The following MUC5AC variants were observed in gnomAD, a reference collection of about 807,000 sequenced individuals.
MUC5AC encodes mucin 5AC, oligomeric mucus/gel-forming, also known as mucin-5AC.
Under a neutral mutation model 169.7 loss-of-function variants are expected in MUC5AC, and 158 were observed. That is an observed-to-expected ratio of 0.93 (90% CI 0.82 to 1.06). MUC5AC has a LOEUF of 1.06. Among genes scored for constraint, MUC5AC ranks in the 50% least tolerant of loss-of-function variants. The pLI is 0.00. For synonymous variants in MUC5AC, 1,975 were observed against 1,237.0 expected, an observed-to-expected ratio of 1.60 and a Z score of -12.52; for missense variants, 4,359 against 3,089.9, an observed-to-expected ratio of 1.41 and a Z score of -9.74.
rs1203522484 is a variant in MUC5AC, at chr11:1,188,244, A to T, written c.10099A>T (p.Thr3367Ser). 4.3e-6 allele frequency: 3 copies of T among 697,722 alleles called. No homozygotes were observed. In the East Asian group the frequency reaches 8.0e-5, roughly 19 times the overall value. The allele number at this position is 697,722 out of a possible 1,614,324, so 43.2% of individuals were successfully genotyped here. The part of the protein sequence containing the change: ...RTTTLVTTST[T>S]STPQTSTTSA... ...AACCACTTTGGTGACAACCAGCACAACCTCCACTCCACAGACCAGCACAAC... is the reference window on the plus strand; with the variant it reads ...AACCACTTTGGTGACAACCAGCACATCCTCCACTCCACAGACCAGCACAAC... The change falls in exon 31 of 49, where the codon ACC (threonine) becomes TCC (serine). Residue 3367 changes from threonine (T) to serine (S), a missense_variant. Coordinates refer to ENST00000621226, the MANE Select transcript of MUC5AC (RefSeq NM_001304359.2).
intron 43 of MUC5AC, 35 bp downstream of exon 43, chr11:1,198,340 A>C (rs762111112): frequency 1.4e-6 from 1 of 730,690 alleles, no homozygotes; most frequent in South Asian, 1.4e-5. Context: ...CCTCAGCCAT[A>C]GGGACGGAGC....
chr11:1,174,839 G>A lies in MUC5AC; in HGVS notation c.2093-43G>A, dbSNP rs1049701983. 3.5e-4 allele frequency: 149 copies of A among 427,686 alleles called. 1 individual carries two copies. Among genetic ancestry groups the A allele is most frequent in the African/African-American group, 2.8e-3 (138 of 49,030 alleles). The allele number at this position is 427,686 out of a possible 1,614,324, so 26.5% of individuals were successfully genotyped here. ...CACTCACTGCTGGCTGCCCACTGCCGGGCTGTGTGTCCTGAGAATCCCCTC... is the reference window on the plus strand; with the variant it reads ...CACTCACTGCTGGCTGCCCACTGCCAGGCTGTGTGTCCTGAGAATCCCCTC... On this transcript the variant is annotated intron_variant, in intron 17 of 48. Transcript: ENST00000621226.
rs1056073504 is a variant in MUC5AC, at chr11:1,180,473, C to A, written c.3733C>A (p.Arg1245=). 2.5e-6 allele frequency: 1 copy of A among 398,938 alleles called. No homozygotes were observed. The highest frequency in any genetic ancestry group is 4.4e-6 in the Non-Finnish European group (1 of 226,248). 24.7% of individuals were successfully genotyped at this position (398,938 alleles called of 1,614,324 possible). The part of the protein sequence containing the change: ...PRCHVHGKSY[R]PGAVVPSDKN... Reference sequence around the variant, plus strand: ...GTGCCACGTCCATGGGAAGTCCTACCGGCCAGGTGCAGTGGTGCCCTCGGA... The same window carrying A: ...GTGCCACGTCCATGGGAAGTCCTACAGGCCAGGTGCAGTGGTGCCCTCGGA... The change falls in exon 28 of 49, where the codon CGG becomes AGG. Residue 1245 remains arginine, a synonymous_variant. Coordinates refer to ENST00000621226, the MANE Select transcript of MUC5AC (RefSeq NM_001304359.2).
intron 1 of MUC5AC, among the ~76,000 whole-genome samples, chr11:1,159,391 C>G (rs1371756005): frequency 7.0e-6 from 1 of 142,180 alleles, no homozygotes; most frequent in Non-Finnish European, 1.5e-5. Context: ...GGGCTGGGGT[C>G]CAGTCCCACG....
chr11:1,164,227 T>C lies in MUC5AC; in HGVS notation c.911T>C (p.Leu304Pro). The C allele has an allele frequency of 6.2e-7, 1 of 1,612,638 alleles. No individual in the cohort carries two copies. The highest frequency in any genetic ancestry group is 8.5e-7 in the Non-Finnish European group (1 of 1,179,870). Residue 304 changes from leucine to proline, a missense_variant, in exon 8 of 49, where the codon CTC becomes CCC. Physicochemically the swap from Leu to Pro is moderately conservative, Grantham distance 98. Coordinates refer to ENST00000621226, the MANE Select transcript of MUC5AC (RefSeq NM_001304359.2). ...TGCTTCTGTGAAGACACCGACCTGC[T>C]CAGCTGCGTCTGCCACACCCTTGCC... is the stretch of plus-strand genomic sequence containing the variant. ...DLCFCEDTDLLSCVCHTLAEY... is the reference protein window; with the variant it reads ...DLCFCEDTDLPSCVCHTLAEY...
At position 1,198,071 on chromosome 11, in the gene MUC5AC, G is replaced by T. The variant is rs1469880562; in HGVS notation, c.16135+67G>T. 4 of 641,722 alleles carry T rather than the reference G, an allele frequency of 6.2e-6. No individual in the cohort carries two copies. In the Admixed American group the frequency reaches 6.8e-5, roughly 11 times the overall value. The allele number at this position is 641,722 out of a possible 1,614,324, so 39.8% of individuals were successfully genotyped here. A position where few individuals can be genotyped will look rare whatever the true frequency, so the allele number is the denominator to read the frequency against. On this transcript the variant is annotated intron_variant, in intron 42 of 48. Coordinates refer to ENST00000621226, the MANE Select transcript of MUC5AC (RefSeq NM_001304359.2). ...GGGTCTCCACCTGGGATTTTGGGGG[G>T]CCATAACCAGATGCCAGTGCGGCTT...
chr11:1,200,394 C>G (rs2133781190), intron 48 of MUC5AC, 44 bp from the exon 49 acceptor site: 1 of 645,896 alleles, frequency 1.5e-6, no homozygotes, highest in Middle Eastern at 3.6e-4. Context: ...CGGCAGGAGG[C>G]TGGGGTGGCG....
In MUC5AC at chr11:1,192,428, A is replaced by G. The variant is rs761046646; in HGVS notation, c.14283A>G (p.Ala4761=). 1.3e-6 allele frequency: 1 copy of G among 765,088 alleles called. No homozygotes were observed. Among genetic ancestry groups the G allele is most frequent in the East Asian group, 2.4e-5 (1 of 41,246 alleles). The allele number at this position is 765,088 out of a possible 1,614,324, so 47.4% of individuals were successfully genotyped here. Residue 4761 remains alanine, a synonymous_variant, in exon 31 of 49, where the codon GCA becomes GCG. Transcript: ENST00000621226. The part of the protein sequence containing the change: ...LSTSMVSASV[A]STSVASSSVA... ...CTTCCATGGTATCCGCCTCCGTGGC[A>G]TCCACCTCTGTGGCATCCAGCTCTG...
rs1157294164 is a variant in MUC5AC at position 1,186,130 on chromosome 11, C to T, written c.7985C>T (p.Pro2662Leu). The T allele has an allele frequency of 2.1e-5, 16 of 746,222 alleles. No homozygotes were observed. The highest frequency in any genetic ancestry group is 3.9e-5 in the Non-Finnish European group (16 of 407,774). 46.2% of individuals were successfully genotyped at this position (746,222 alleles called of 1,614,324 possible). Reference sequence around the variant, plus strand: ...TCTGGTCCTGGAACTACTCCCAGCCCTGTTCCTACCACCAGCACAATCTCT... The same window carrying T: ...TCTGGTCCTGGAACTACTCCCAGCCTTGTTCCTACCACCAGCACAATCTCT... ...TTSGPGTTPS[P>L]VPTTSTISVP... is the part of the protein sequence containing the mutation. Residue 2662 changes from proline (P) to leucine (L), a missense_variant, in exon 31 of 49, where the codon CCT (proline) becomes CTT (leucine). By Grantham distance (98) the Pro-to-Leu change is moderately conservative. Transcript: ENST00000621226.
In MUC5AC at chr11:1,179,196, G is replaced by T; in HGVS notation, c.3432G>T (p.Gln1144His). The change falls in exon 26 of 49, where the codon CAG becomes CAT. Residue 1144 changes from glutamine (Q) to histidine (H), a missense_variant. Gln to His is a conservative substitution (Grantham distance 24). Coordinates refer to ENST00000621226, the MANE Select transcript of MUC5AC (RefSeq NM_001304359.2). The stretch of plus-strand genomic sequence containing the variant: ...GCACGGCTGTGGCCGCCTACGCCCA[G>T]GCCTGCCATGAAGTAGGCCTGTGTG... ...CFCTAVAAYA[Q>H]ACHEVGLCVS... The T allele has an allele frequency of 1.5e-6, 1 of 679,670 alleles. No individual in the cohort carries two copies. The highest frequency in any genetic ancestry group is 2.7e-6 in the Non-Finnish European group (1 of 373,322). 42.1% of individuals were successfully genotyped at this position (679,670 alleles called of 1,614,324 possible).
rs1320780643 is a variant in MUC5AC at position 1,174,532 on chromosome 11, G to A, written c.2002G>A (p.Glu668Lys). The change falls in exon 17 of 49, where the codon GAG becomes AAG. Residue 668 changes from glutamate (E) to lysine (K), a missense_variant. Transcript: ENST00000621226. ...MFDTCNCERSEDCLCAALSSY... is the reference protein window; with the variant it reads ...MFDTCNCERSKDCLCAALSSY... ...TGACACCTGCAACTGTGAGCGGAGC[G>A]AGGACTGCCTGTGCGCCGCGCTGTC... 5.8e-6 allele frequency: 9 copies of A among 1,564,836 alleles called. No individual in the cohort carries two copies. Among genetic ancestry groups the A allele is most frequent in the Middle Eastern group, 1.7e-4 (1 of 6,032 alleles).
rs1860809038 is a variant in MUC5AC, at chr11:1,181,267, A to G, written c.3821-4A>G. 5.0e-6 allele frequency: 2 copies of G among 398,256 alleles called. No individual in the cohort carries two copies. Among genetic ancestry groups the G allele is most frequent in the Non-Finnish European group, 8.9e-6 (2 of 225,976 alleles). The allele number at this position is 398,256 out of a possible 1,614,324, so 24.7% of individuals were successfully genotyped here. ...TGACGGGCCTGGGCCCTCCGTCCCC[A>G]TAGCCTGTGTCTGCACCTACAATGG... is the stretch of plus-strand genomic sequence containing the variant. On this transcript the variant is annotated splice_region_variant and splice_polypyrimidine_tract_variant and intron_variant, in intron 29 of 48. Coordinates refer to ENST00000621226, the MANE Select transcript of MUC5AC (RefSeq NM_001304359.2).
chr11:1,198,035 G>A (rs1454899607), intron 42 of MUC5AC, 31 bp downstream of exon 42: 3 of 646,044 alleles, frequency 4.6e-6, no homozygotes, highest in South Asian at 3.4e-5. Flanking sequence ...CCTGTCAGGG[G>A]CCGTGGGCTG....
chr11:1,158,047 C>T lies in MUC5AC; in HGVS notation c.48C>T (p.Leu16=), dbSNP rs770063541. 8.1e-5 allele frequency: 131 copies of T among 1,608,124 alleles called. No homozygotes were observed. Among genetic ancestry groups the T allele is most frequent in the Non-Finnish European group, 9.9e-5 (117 of 1,178,424 alleles). Residue 16 remains leucine (L), a synonymous_variant, in exon 1 of 49, where the codon CTC becomes CTT. Coordinates refer to ENST00000621226, the MANE Select transcript of MUC5AC (RefSeq NM_001304359.2). ...TGGCCCTGCTCTGGGCCCTGGCTCTCGCTCTGGCCTGCACCCGGCATACAG... is the reference window on the plus strand; with the variant it reads ...TGGCCCTGCTCTGGGCCCTGGCTCTTGCTCTGGCCTGCACCCGGCATACAG... ...RKLALLWALA[L]ALACTRHTGH... is the part of the protein sequence containing the mutation.
At position 1,198,844 on chromosome 11, in the gene MUC5AC, A is replaced by G. The variant is rs1264375295; in HGVS notation, c.16174-30A>G. ...GCGGGTCTCCCCAGGGCCCAAGCTC[A>G]TGAGTGTCTGCTGCCCTGGCTCTCC... On this transcript the variant is annotated intron_variant, in intron 43 of 48. Coordinates refer to ENST00000621226, the MANE Select transcript of MUC5AC (RefSeq NM_001304359.2). 2.3e-5 allele frequency: 16 copies of G among 710,492 alleles called. No individual in the cohort carries two copies. The East Asian group carries it at 4.2e-4, about 19-fold the overall frequency. The allele number at this position is 710,492 out of a possible 1,614,324, so 44.0% of individuals were successfully genotyped here.
In MUC5AC at chr11:1,189,067, C is replaced by A; in HGVS notation, c.10922C>A (p.Ala3641Asp). ...VTAPSTPSGRATSPTQSTSSW... is the reference protein window; with the variant it reads ...VTAPSTPSGRDTSPTQSTSSW... ...GCTCCTAGCACCCCTAGTGGGAGAGCCACCAGCCCAACTCAGAGCACCTCC... is the reference window on the plus strand; with the variant it reads ...GCTCCTAGCACCCCTAGTGGGAGAGACACCAGCCCAACTCAGAGCACCTCC... Residue 3641 changes from alanine (A) to aspartate (D), a missense_variant, in exon 31 of 49, where the codon GCC becomes GAC. By Grantham distance (126) the Ala-to-Asp change is moderately radical. Transcript: ENST00000621226. 1.6e-6 allele frequency: 1 copy of A among 633,996 alleles called. No individual in the cohort carries two copies. Among genetic ancestry groups the A allele is most frequent in the Non-Finnish European group, 2.8e-6 (1 of 353,434 alleles). 39.3% of individuals were successfully genotyped at this position (633,996 alleles called of 1,614,324 possible). A position where few individuals can be genotyped will look rare whatever the true frequency, so the allele number is the denominator to read the frequency against.
intron 1 of MUC5AC, 65 bp from the exon 2 acceptor site, chr11:1,160,547 T>C (rs956407900): frequency 2.4e-5 from 33 of 1,398,828 alleles, no homozygotes; most frequent in Non-Finnish European, 3.3e-5. Context: ...GCTGCATCTG[T>C]GGCCGCAGCC....
rs1312626776 is a variant in MUC5AC, at chr11:1,163,046, G to A, written c.679+1G>A. On this transcript the variant is annotated splice_donor_variant, in intron 6 of 48. Transcript: ENST00000621226. LOFTEE classifies it high-confidence loss of function. Reference sequence around the variant, plus strand: ...GTGGTCAGCGAGCTCCTCTCCCACAGTAAGGCCCCACATCGCCCTCAGCCC... The same window carrying A: ...GTGGTCAGCGAGCTCCTCTCCCACAATAAGGCCCCACATCGCCCTCAGCCC... The A allele has an allele frequency of 6.2e-7, 1 of 1,612,160 alleles. No individual in the cohort carries two copies. Among genetic ancestry groups the A allele is most frequent in the South Asian group, 1.1e-5 (1 of 91,078 alleles).
At position 1,188,464 on chromosome 11, in the gene MUC5AC, C is replaced by T; in HGVS notation, c.10319C>T (p.Ser3440Phe). 3.1e-6 allele frequency: 2 copies of T among 649,030 alleles called. No homozygotes were observed. The highest frequency in any genetic ancestry group is 2.9e-6 in the Non-Finnish European group (1 of 349,312). The allele number at this position is 649,030 out of a possible 1,614,324, so 40.2% of individuals were successfully genotyped here. ...TCTGCCCCTACAACCAGCACAACCT[C>T]TTCCCCTACAACCAGCACAACCTCT... ...IISAPTTSTT[S>F]SPTTSTTSAT... Residue 3440 changes from serine to phenylalanine, a missense_variant, in exon 31 of 49, where the codon TCT becomes TTT. Ser to Phe is a radical substitution (Grantham distance 155, BLOSUM62 -2). Transcript: ENST00000621226.
Sources: allele counts gnomAD v4.1 joint callset (sites outside exome capture counted in the v4.1 genomes callset), GRCh38; gene constraint gnomAD v4.1.1; transcripts MANE v1.5; gene names NCBI Gene and HGNC (gene_info 2026-07-23, HGNC 2026-07-21).